LRRC3B: variants seen among roughly 807,000 people sequenced by gnomAD.
LRRC3B encodes the protein leucine-rich repeat-containing protein 3B.
LRRC3B carries 2 observed loss-of-function variants against 12.8 expected under a neutral mutation model. That is an observed-to-expected ratio of 0.16 (90% CI 0.06 to 0.49). LRRC3B has a LOEUF of 0.49. LRRC3B is among the 20% of genes least tolerant of loss of function. The probability of loss-of-function intolerance (pLI) is 0.96; values close to 1 mark genes in which losing one functional copy is unlikely to be tolerated. For missense variants in LRRC3B, 189 were observed against 319.4 expected, an observed-to-expected ratio of 0.59 and a Z score of 3.11; for synonymous variants, 132 against 122.0, an observed-to-expected ratio of 1.08 and a Z score of -0.54.
intron 1 of LRRC3B, among the ~76,000 whole-genome samples, chr3:26,701,905 T>C (rs1215987325): frequency 4.6e-5 from 7 of 152,184 alleles, no homozygotes; most frequent in Non-Finnish European, 1.0e-4. Context: ...TTTTTAACTC[T>C]ACATTCATTT....
Position 26,643,003 on chromosome 3 carries a change from G to A in LRRC3B, c.-161+19766G>A, listed in dbSNP as rs931973681. On this transcript the variant is annotated intron_variant, in intron 1 of 1. Coordinates refer to ENST00000396641, the Ensembl canonical transcript of LRRC3B. Reference sequence around the variant, plus strand: ...CTGCACTCCAGCCTGGTGACAGAGCGAGACTCCGTTTCAAAAAAAAAAGGC... The same window carrying A: ...CTGCACTCCAGCCTGGTGACAGAGCAAGACTCCGTTTCAAAAAAAAAAGGC... Among the ~76,000 whole-genome samples the A allele has an allele frequency of 1.8e-4, 24 of 132,830 alleles. 1 individual carries two copies. The highest frequency in any genetic ancestry group is 1.3e-3 in the East Asian group (4 of 3,192). The allele number at this position is 132,830 out of a possible 152,430, so 87.1% of individuals were successfully genotyped here.
At chr3:26,708,695 T>TAACA (rs1008937039) in intron 1 of LRRC3B, among the ~76,000 whole-genome samples, 2 of 152,218 alleles carry the variant, frequency 1.3e-5, no homozygotes, top group African/African-American at 4.8e-5. Context: ...CTGCCAACAC[T>TAACA]AACAGTATAT....
chr3:26,693,144 C>A (rs1421231175), intron 1 of LRRC3B, among the ~76,000 whole-genome samples: 2 of 151,544 alleles, frequency 1.3e-5, no homozygotes, highest in Non-Finnish European at 2.9e-5. Context: ...TCCTGGCTAA[C>A]ACGGTGAAAC....
intron 1 of LRRC3B, among the ~76,000 whole-genome samples, chr3:26,694,983 CT>C (rs1167561857): frequency 1.3e-5 from 2 of 152,134 alleles, no homozygotes; most frequent in Non-Finnish European, 1.5e-5. Context: ...GAACCGTCCC[CT>C]AAAGGTAAAA....
In LRRC3B at chr3:26,664,290, G is replaced by C. The variant is rs1181151814; in HGVS notation, c.-161+41053G>C. ...CCCATTGCTTCTTCCAGGAGTTTTG[G>C]GTAACATTTTTTCCTACACTGTTGA... On this transcript the variant is annotated intron_variant, in intron 1 of 1. Transcript: ENST00000396641. Among the ~76,000 whole-genome samples, 2 of 151,910 alleles carry C rather than the reference G, an allele frequency of 1.3e-5. 1 individual carries two copies. The highest frequency in any genetic ancestry group is 2.9e-5 in the Non-Finnish European group (2 of 67,972).
intron 1 of LRRC3B, among the ~76,000 whole-genome samples, chr3:26,636,598 A>G (rs187223480): frequency 9.9e-5 from 15 of 152,126 alleles, no homozygotes; most frequent in African/African-American, 3.6e-4. Flanking sequence ...TGTGGGCTAA[A>G]TCTCATTTTT....
intron 1 of LRRC3B, among the ~76,000 whole-genome samples, chr3:26,670,281 TACAG>T (rs1699693161): frequency 6.6e-6 from 1 of 152,220 alleles, no homozygotes; most frequent in Non-Finnish European, 1.5e-5. Context: ...TCTCCTAGAA[TACAG>T]ACAGACACAT....
At chr3:26,651,006 G>A (rs1276419962) in intron 1 of LRRC3B, among the ~76,000 whole-genome samples, 1 of 152,198 alleles carries the variant, frequency 6.6e-6, no homozygotes, top group Non-Finnish European at 1.5e-5. Flanking sequence ...GTCATTCTGT[G>A]TGTCCACACT....
At chr3:26,677,700 G>T (rs897005223) in intron 1 of LRRC3B, among the ~76,000 whole-genome samples, 1 of 152,130 alleles carries the variant, frequency 6.6e-6, no homozygotes, top group African/African-American at 2.4e-5. Flanking sequence ...TTCAACCAAA[G>T]AAACACATGT....
At chr3:26,660,574 G>T (rs1312186000) in intron 1 of LRRC3B, among the ~76,000 whole-genome samples, 1 of 152,156 alleles carries the variant, frequency 6.6e-6, no homozygotes, top group Admixed American at 6.6e-5. Context: ...TTAGGTTTTT[G>T]AAGTGGCCAG....
intron 1 of LRRC3B, among the ~76,000 whole-genome samples, chr3:26,643,010 C>A (rs182754167): frequency 3.3e-4 from 42 of 127,496 alleles, no homozygotes; most frequent in Non-Finnish European, 5.1e-4. Flanking sequence ...AGCGAGACTC[C>A]GTTTCAAAAA....
chr3:26,691,103 G>GTA (rs1298635555), intron 1 of LRRC3B, among the ~76,000 whole-genome samples: 18 of 44,952 alleles, frequency 4.0e-4, no homozygotes, highest in South Asian at 1.8e-3. Flanking sequence ...GTGTGTGTGT[G>GTA]TGTATATATA....
intron 1 of LRRC3B, among the ~76,000 whole-genome samples, chr3:26,648,274 T>A (rs959226834): frequency 3.9e-5 from 6 of 152,110 alleles, no homozygotes; most frequent in Non-Finnish European, 5.9e-5. Flanking sequence ...GTGTTTTTTT[T>A]AGAAGTGTGA....
intron 1 of LRRC3B, among the ~76,000 whole-genome samples, chr3:26,692,351 A>G (rs905438754): frequency 2.6e-5 from 4 of 152,218 alleles, no homozygotes; most frequent in African/African-American, 9.6e-5. Flanking sequence ...ATTCCACACC[A>G]GGAACTGTGC....
chr3:26,645,909 G>A lies in LRRC3B; in HGVS notation c.-161+22672G>A, dbSNP rs376083987. 5.1e-4 allele frequency among the ~76,000 whole-genome samples: 77 copies of A among 152,202 alleles called. 1 individual carries two copies. In the South Asian group the frequency reaches 0.014, roughly 28 times the overall value. ...GATTCTTAATTCCCCTAGCCTTTGA[G>A]TTTGCCGTCATATCAAGGTCAAAGG... On this transcript the variant is annotated intron_variant, in intron 1 of 1. Coordinates refer to ENST00000396641, the Ensembl canonical transcript of LRRC3B.
intron 1 of LRRC3B, among the ~76,000 whole-genome samples, chr3:26,666,430 G>A (rs1699604978): frequency 2.0e-5 from 3 of 151,996 alleles, no homozygotes; most frequent in African/African-American, 7.2e-5. Context: ...GGATTTTAAG[G>A]GTCTTCATGG....
At chr3:26,673,808 A>G (rs1262711284) in intron 1 of LRRC3B, among the ~76,000 whole-genome samples, 2 of 152,138 alleles carry the variant, frequency 1.3e-5, no homozygotes, top group Non-Finnish European at 2.9e-5. Context: ...CAGCTCTAGG[A>G]GAGTTTTCTT....
At chr3:26,701,870 C>A (rs1010606301) in intron 1 of LRRC3B, among the ~76,000 whole-genome samples, 1 of 151,864 alleles carries the variant, frequency 6.6e-6, no homozygotes, top group Non-Finnish European at 1.5e-5. Flanking sequence ...CCCTTAATTC[C>A]AAAAAAAGTT....
intron 1 of LRRC3B, among the ~76,000 whole-genome samples, chr3:26,707,048 C>CTT (rs911435347): frequency 2.0e-5 from 3 of 152,016 alleles, no homozygotes; most frequent in Admixed American, 2.0e-4. Flanking sequence ...AAGCATCGAA[C>CTT]TTTTACTACC....
Sources: allele counts gnomAD v4.1 joint callset (sites outside exome capture counted in the v4.1 genomes callset), GRCh38; gene constraint gnomAD v4.1.1; transcripts MANE v1.5; gene names NCBI Gene and HGNC (gene_info 2026-07-23, HGNC 2026-07-21).